Variants in PEX7 observed in about 807,000 individuals in gnomAD.
The protein encoded by PEX7 is peroxisomal biogenesis factor 7.
In PEX7, 34 loss-of-function variants were observed where a neutral mutation model predicts 47.5. That is an observed-to-expected ratio of 0.72 (90% CI 0.54 to 0.95). PEX7 has a LOEUF of 0.95. Among genes scored for constraint, PEX7 ranks in the 40% least tolerant of loss-of-function variants. PEX7 has a pLI of 0.00. For synonymous variants in PEX7, 141 were observed against 148.8 expected (o/e 0.95, Z 0.38); for missense variants, 394 against 400.3 (o/e 0.98, Z 0.13).
At chr6:136,843,407 C>T (rs912218634) in intron 3 of PEX7, among the ~76,000 whole-genome samples, 2 of 152,192 alleles carry the variant, frequency 1.3e-5, no homozygotes, top group African/African-American at 4.8e-5. Flanking sequence ...AGGACCAAAT[C>T]TGGCCTGCAG....
At chr6:136,902,752 T>A (rs1168012600) in intron 9 of PEX7, among the ~76,000 whole-genome samples, 1 of 152,200 alleles carries the variant, frequency 6.6e-6, no homozygotes, top group Non-Finnish European at 1.5e-5. Flanking sequence ...ATTCCTGACT[T>A]TGTGTTCTGC....
At chr6:136,849,925 G>C (rs571341866) in intron 5 of PEX7, among the ~76,000 whole-genome samples, 6 of 151,996 alleles carry the variant, frequency 3.9e-5, no homozygotes, top group African/African-American at 7.2e-5. Flanking sequence ...TTTCTGTCTC[G>C]TTGATCTGTC....
chr6:136,885,330 C>T (rs1775450674), intron 8 of PEX7, among the ~76,000 whole-genome samples: 1 of 152,106 alleles, frequency 6.6e-6, no homozygotes, highest in South Asian at 2.1e-4. Flanking sequence ...ACTTTTTTAT[C>T]AGTGGTCTTA....
At position 136,864,950 on chromosome 6, in the gene PEX7, A is replaced by G. The variant is rs377497183; in HGVS notation, c.527-1677A>G. On this transcript the variant is annotated intron_variant, in intron 5 of 9. Coordinates refer to ENST00000318471, the MANE Select transcript of PEX7 (RefSeq NM_000288.4). ...AACTACATGCTTTTCATTACATGGA[A>G]CTGGTTTTCTCACATCATCAGTTGT... is the stretch of plus-strand genomic sequence containing the variant. Among the ~76,000 whole-genome samples the G allele has an allele frequency of 2.0e-4, 30 of 152,286 alleles. 1 individual carries two copies. Among genetic ancestry groups the G allele is most frequent in the Admixed American group, 9.2e-4 (14 of 15,298 alleles).
chr6:136,877,359 T>G (rs1390851107), intron 8 of PEX7, among the ~76,000 whole-genome samples: 1 of 152,236 alleles, frequency 6.6e-6, no homozygotes, highest in East Asian at 1.9e-4. Context: ...TTGCCATTGC[T>G]TTTGGTGCTT....
chr6:136,864,371 C>T (rs577830773), intron 5 of PEX7, among the ~76,000 whole-genome samples: 2 of 152,026 alleles, frequency 1.3e-5, no homozygotes, highest in Admixed American at 1.3e-4. Flanking sequence ...TATCTGGCAC[C>T]GTACTCATGC....
At chr6:136,880,494 T>A (rs1775358191) in intron 8 of PEX7, among the ~76,000 whole-genome samples, 3 of 152,194 alleles carry the variant, frequency 2.0e-5, no homozygotes, top group Admixed American at 2.0e-4. Context: ...TTCCCCACAC[T>A]GTCCTTGCCA....
chr6:136,825,732 A>G (rs905386596), intron 2 of PEX7, among the ~76,000 whole-genome samples: 1 of 152,036 alleles, frequency 6.6e-6, no homozygotes. Context: ...ATGGGGTTTC[A>G]TCATTTTGGC....
At chr6:136,911,460 C>G (rs1775931271) in intron 9 of PEX7, among the ~76,000 whole-genome samples, 1 of 152,036 alleles carries the variant, frequency 6.6e-6, no homozygotes, top group African/African-American at 2.4e-5. Context: ...GGCTGGAGTG[C>G]AGTGGCATGA....
At chr6:136,912,585 T>C (rs1300877930) in intron 9 of PEX7, among the ~76,000 whole-genome samples, 1 of 152,190 alleles carries the variant, frequency 6.6e-6, no homozygotes, top group East Asian at 1.9e-4. Context: ...TCTACTTGTC[T>C]TTATCCTAAT....
intron 5 of PEX7, among the ~76,000 whole-genome samples, chr6:136,853,106 A>G (rs1328505283): frequency 6.6e-6 from 1 of 152,154 alleles, no homozygotes; most frequent in Non-Finnish European, 1.5e-5. Context: ...CTGGCTAGCC[A>G]TATGTAGAAA....
chr6:136,890,341 A>G (rs369970365), intron 8 of PEX7, among the ~76,000 whole-genome samples: 11 of 152,232 alleles, frequency 7.2e-5, no homozygotes, highest in Admixed American at 2.0e-4. Flanking sequence ...TTCTCAGACT[A>G]TGGGGTCCCC....
chr6:136,859,718 G>A (rs149500720), intron 5 of PEX7, among the ~76,000 whole-genome samples: 2 of 152,094 alleles, frequency 1.3e-5, no homozygotes, highest in African/African-American at 4.8e-5. Flanking sequence ...TGCCCATATT[G>A]TACATTTAAA....
rs371986208 is a variant in PEX7, at chr6:136,842,877, T to C, written c.340-2738T>C. Among the ~76,000 whole-genome samples the C allele has an allele frequency of 2.3e-4, 35 of 152,270 alleles. 4 individuals are homozygous for C. Among genetic ancestry groups the C allele is most frequent in the Admixed American group, 9.2e-4 (14 of 15,288 alleles). ...GACTTATCAGGGGAGGCTTATTTCGTAAGGGATGTAATGGGGCACGTCTTG... is the reference window on the plus strand; with the variant it reads ...GACTTATCAGGGGAGGCTTATTTCGCAAGGGATGTAATGGGGCACGTCTTG... On this transcript the variant is annotated intron_variant, in intron 3 of 9. Transcript: ENST00000318471.
intron 7 of PEX7, 28 bp from the exon 8 acceptor site, chr6:136,872,170 G>A (rs755201225): frequency 1.3e-6 from 2 of 1,588,648 alleles, no homozygotes; most frequent in Non-Finnish European, 8.6e-7. Context: ...CTTCAAAAAG[G>A]GTTTTTTTTT....
intron 5 of PEX7, among the ~76,000 whole-genome samples, chr6:136,865,521 A>T (rs150139033): frequency 3.3e-5 from 5 of 151,772 alleles, no homozygotes; most frequent in Admixed American, 6.6e-5. Context: ...CTGGTCTCAG[A>T]CTCCTGACCA....
Position 136,854,541 on chromosome 6 carries a change from A to T in PEX7, c.526+8360A>T, listed in dbSNP as rs76386932. Among the ~76,000 whole-genome samples, 324 of 152,244 alleles carry T rather than the reference A, an allele frequency of 2.1e-3. 3 individuals carry two copies. The highest frequency in any genetic ancestry group is 7.6e-3 in the African/African-American group (314 of 41,542). On this transcript the variant is annotated intron_variant, in intron 5 of 9. Coordinates refer to ENST00000318471, the MANE Select transcript of PEX7 (RefSeq NM_000288.4). ...GAGTTTTGTGCTTATAGTGAATCGG[A>T]TCTGTAAGTTGACCACAGTTCAGTT...
At chr6:136,878,957 A>G (rs1388906650) in intron 8 of PEX7, among the ~76,000 whole-genome samples, 1 of 151,944 alleles carries the variant, frequency 6.6e-6, no homozygotes, top group Non-Finnish European at 1.5e-5. Context: ...AAATGCCTTC[A>G]TAAGTTTTCT....
intron 8 of PEX7, among the ~76,000 whole-genome samples, chr6:136,884,590 G>A (rs947894558): frequency 6.7e-6 from 1 of 150,224 alleles, no homozygotes; most frequent in East Asian, 1.9e-4. Flanking sequence ...TGATGATATG[G>A]TGGATATTTT....
Sources: allele counts gnomAD v4.1 joint callset (sites outside exome capture counted in the v4.1 genomes callset), GRCh38; gene constraint gnomAD v4.1.1; transcripts MANE v1.5; gene names NCBI Gene and HGNC (gene_info 2026-07-23, HGNC 2026-07-21).